RIN3: variants seen among roughly 807,000 people sequenced by gnomAD.
RIN3 encodes Ras and Rab interactor 3, also known as RAB5 interacting protein 3.
RIN3 carries 54 observed loss-of-function variants against 76.3 expected under a neutral mutation model. That is an observed-to-expected ratio of 0.71 (90% CI 0.57 to 0.89). The LOEUF (loss-of-function observed/expected upper bound fraction) is 0.89, where lower values mean the gene tolerates loss of function less well. Among genes scored for constraint, RIN3 ranks in the 40% least tolerant of loss-of-function variants. The pLI, the probability that RIN3 is intolerant of heterozygous loss-of-function variation, is 0.00. For missense variants in RIN3, 1,256 were observed against 1,322.1 expected (o/e 0.95, Z 0.78); for synonymous variants, 576 against 564.0 (o/e 1.02, Z -0.30).
chr14:92,570,692 G>T (rs1898041741), intron 2 of RIN3, among the ~76,000 whole-genome samples: 2 of 151,182 alleles, frequency 1.3e-5, no homozygotes, highest in Middle Eastern at 3.5e-3. Flanking sequence ...TTCAGAAAAT[G>T]TGATTAATTA....
intron 2 of RIN3, among the ~76,000 whole-genome samples, chr14:92,558,710 C>T (rs946567897): frequency 1.3e-5 from 2 of 152,132 alleles, no homozygotes; most frequent in African/African-American, 2.4e-5. Context: ...GCTGAATCCT[C>T]CTGGGGAACT....
At chr14:92,631,407 A>G (rs1886577149) in intron 4 of RIN3, among the ~76,000 whole-genome samples, 2 of 152,230 alleles carry the variant, frequency 1.3e-5, no homozygotes, top group Non-Finnish European at 2.9e-5. Context: ...AATAAAAAAA[A>G]GACAGGTTCT....
At chr14:92,662,183 G>A (rs1661266330) in intron 7 of RIN3, among the ~76,000 whole-genome samples, 1 of 152,244 alleles carries the variant, frequency 6.6e-6, no homozygotes, top group Admixed American at 6.5e-5. Context: ...CCGAGAATGA[G>A]CGGGGCCTTC....
At chr14:92,515,326 G>C (rs1419537172) in intron 1 of RIN3, 1 of 690,468 alleles carries the variant, frequency 1.4e-6, no homozygotes, top group Non-Finnish European at 2.6e-6. Flanking sequence ...TGAAGCCGGA[G>C]AGGAGTTTCT....
intron 3 of RIN3, among the ~76,000 whole-genome samples, chr14:92,587,865 A>G (rs1884833089): frequency 6.6e-6 from 1 of 152,194 alleles, no homozygotes; most frequent in South Asian, 2.1e-4. Flanking sequence ...TGGGTAATTT[A>G]TAAAGAATGG....
At chr14:92,673,528 CAG>C (rs1215205367) in intron 7 of RIN3, among the ~76,000 whole-genome samples, 5 of 133,832 alleles carry the variant, frequency 3.7e-5, no homozygotes, top group East Asian at 4.3e-4. Context: ...TTTTTTGAGA[CAG>C]AGTTTCACTT....
Position 92,685,598 on chromosome 14 carries a change from A to C in RIN3, c.2631+448A>C, listed in dbSNP as rs967093664. On this transcript the variant is annotated intron_variant, in intron 9 of 9. Transcript: ENST00000216487. This position sits in a 1 kb window ranked among gnomAD's most constrained non-coding sequence, Gnocchi z 4.7. Reference sequence around the variant, plus strand: ...GTAACCCCCACCAACCCAGTGGCCCACCCCTCCCCATACCTCTCTCTATAC... The same window carrying C: ...GTAACCCCCACCAACCCAGTGGCCCCCCCCTCCCCATACCTCTCTCTATAC... The C allele has an allele frequency of 2.6e-5, 4 of 151,878 alleles. No individual in the cohort carries two copies. Among genetic ancestry groups the C allele is most frequent in the South Asian group, 1.9e-4 (1 of 5,282 alleles). 9.4% of individuals were successfully genotyped at this position (151,878 alleles called of 1,614,324 possible).
At position 92,664,330 on chromosome 14, in the gene RIN3, A is replaced by G. The variant is rs540642335; in HGVS notation, c.2335+4861A>G. Reference sequence around the variant, plus strand: ...ACCCTTTGTGAATTGTTAACATTCAACCCCCTCCGCTTCATCATTTTCTTT... The same window carrying G: ...ACCCTTTGTGAATTGTTAACATTCAGCCCCCTCCGCTTCATCATTTTCTTT... On this transcript the variant is annotated intron_variant, in intron 7 of 9. Coordinates refer to ENST00000216487, the MANE Select transcript of RIN3 (RefSeq NM_024832.5). Among the ~76,000 whole-genome samples the G allele has an allele frequency of 8.1e-5, 12 of 147,480 alleles. No homozygotes were observed. In the South Asian group the frequency reaches 1.7e-3, roughly 21 times the overall value.
intron 3 of RIN3, among the ~76,000 whole-genome samples, chr14:92,604,781 T>A (rs1885465115): frequency 6.6e-6 from 1 of 152,110 alleles, no homozygotes; most frequent in Non-Finnish European, 1.5e-5. Context: ...GAGCTGATTA[T>A]TTTTGAATCT....
chr14:92,541,867 T>C (rs1897138382), intron 1 of RIN3, among the ~76,000 whole-genome samples: 1 of 152,210 alleles, frequency 6.6e-6, no homozygotes, highest in Non-Finnish European at 1.5e-5. Flanking sequence ...GGAGAAAATA[T>C]TTGCAAATCA....
intron 1 of RIN3, among the ~76,000 whole-genome samples, chr14:92,543,739 C>A (rs1185314162): frequency 6.6e-6 from 1 of 151,538 alleles, no homozygotes; most frequent in East Asian, 1.9e-4. Context: ...CCCGCCACCA[C>A]ACCCGGCTAA....
chr14:92,576,408 C>G (rs979497471), intron 2 of RIN3: 2 of 1,289,376 alleles, frequency 1.6e-6, no homozygotes, highest in Non-Finnish European at 2.0e-6. Flanking sequence ...TAGAGCACAG[C>G]TGCGTCCTCA....
intron 6 of RIN3, among the ~76,000 whole-genome samples, chr14:92,655,516 C>T (rs1432962950): frequency 6.6e-6 from 1 of 152,240 alleles, no homozygotes; most frequent in Non-Finnish European, 1.5e-5. Context: ...CCTGACTTTT[C>T]CTGTATGTGA....
At position 92,514,279 on chromosome 14, in the gene RIN3, G is replaced by C. The variant is rs1465658890; in HGVS notation, c.44+303G>C. Among the ~76,000 whole-genome samples the C allele has an allele frequency of 6.6e-6, 1 of 151,844 alleles. No homozygotes were observed. The highest frequency in any genetic ancestry group is 2.4e-5 in the African/African-American group (1 of 41,304). On this transcript the variant is annotated intron_variant, in intron 1 of 9. Transcript: ENST00000216487. This position sits in a 1 kb window ranked among gnomAD's most constrained non-coding sequence, Gnocchi z 7.2. ...CGAGGGAGTGCGTCGCTACCTGTCA[G>C]CGCCGGGGCTGCCCGCGTGGACGCG...
intron 2 of RIN3, among the ~76,000 whole-genome samples, chr14:92,565,461 G>C (rs1403649779): frequency 1.3e-5 from 2 of 152,166 alleles, no homozygotes; most frequent in Non-Finnish European, 2.9e-5. Flanking sequence ...ATAAAGAATA[G>C]CTACTCCATG....
chr14:92,532,458 G>T (rs903942077), intron 1 of RIN3, among the ~76,000 whole-genome samples: 4 of 152,102 alleles, frequency 2.6e-5, no homozygotes, highest in Admixed American at 6.6e-5. Context: ...ATCCCATGGG[G>T]TCATCTCATT....
intron 2 of RIN3, among the ~76,000 whole-genome samples, chr14:92,570,762 G>A (rs1175053037): frequency 2.6e-5 from 4 of 152,116 alleles, no homozygotes. Context: ...GACTCCAAAT[G>A]AACAAGGCCA....
intron 5 of RIN3, among the ~76,000 whole-genome samples, chr14:92,641,973 G>C (rs1232002812): frequency 6.6e-6 from 1 of 152,214 alleles, no homozygotes; most frequent in East Asian, 1.9e-4. Context: ...TGCCTACCTA[G>C]AATTAGGGCC....
In RIN3 at chr14:92,651,882, G is replaced by GCCCCCCCCCCCCCCCCCC; in HGVS notation, c.835_836insCCCCCCCCCCCCCCCCCC (p.Arg278_Arg279insProProProProProPro). 1 of 1,554,478 alleles carries GCCCCCCCCCCCCCCCCCC rather than the reference G, an allele frequency of 6.4e-7. No individual in the cohort carries two copies. Among genetic ancestry groups the GCCCCCCCCCCCCCCCCCC allele is most frequent in the Non-Finnish European group, 8.7e-7 (1 of 1,153,216 alleles). ...TCACCCACCTCCAGGTGGGCCCCAC[G>GCCCCCCCCCCCCCCCCCC]CCGCCCACCACCCCCTCCCCCAGTG... On this transcript the variant is annotated inframe_insertion, in exon 6 of 10. Coordinates refer to ENST00000216487, the MANE Select transcript of RIN3 (RefSeq NM_024832.5).
Sources: allele counts gnomAD v4.1 joint callset (sites outside exome capture counted in the v4.1 genomes callset), GRCh38; gene constraint gnomAD v4.1.1; non-coding constraint Gnocchi (gnomAD v3.1); transcripts MANE v1.5; gene names NCBI Gene and HGNC (gene_info 2026-07-23, HGNC 2026-07-21).